The following ITPR1 variants were observed in gnomAD, a reference collection of about 807,000 sequenced individuals.
ITPR1 encodes inositol 1,4,5-trisphosphate receptor type 1.
ITPR1 carries 96 observed loss-of-function variants against 318.4 expected under a neutral mutation model. The ratio of observed to expected loss-of-function variants is 0.30; its 90% CI spans 0.26 to 0.36. The LOEUF is 0.36. Among genes scored for constraint, ITPR1 ranks in the 10% least tolerant of loss-of-function variants. The probability of loss-of-function intolerance (pLI) is 1.00; values close to 1 mark genes in which losing one functional copy is unlikely to be tolerated. For synonymous variants in ITPR1, 1,312 were observed against 1,289.9 expected (o/e 1.02, Z -0.37); for missense variants, 2,440 against 3,460.2 (o/e 0.71, Z 7.40).
chr3:4,629,275 T>C (rs1000994793), intron 5 of ITPR1, among the ~76,000 whole-genome samples: 1 of 152,158 alleles, frequency 6.6e-6, no homozygotes, highest in African/African-American at 2.4e-5. Flanking sequence ...GCACCCTCAG[T>C]TTGTCCTGTT....
intron 33 of ITPR1, among the ~76,000 whole-genome samples, chr3:4,696,726 C>T (rs1348113353): frequency 1.4e-5 from 2 of 145,290 alleles, no homozygotes; most frequent in African/African-American, 2.5e-5. Flanking sequence ...ATATCTGATC[C>T]GGTTTTTTGC....
intron 11 of ITPR1, among the ~76,000 whole-genome samples, chr3:4,652,589 C>G (rs1299120528): frequency 1.3e-5 from 2 of 152,088 alleles, no homozygotes; most frequent in Non-Finnish European, 2.9e-5. Context: ...TATGTGGAAC[C>G]GGAAGCACTA....
intron 4 of ITPR1, among the ~76,000 whole-genome samples, chr3:4,571,743 A>G (rs1016259069): frequency 3.3e-5 from 5 of 152,202 alleles, no homozygotes; most frequent in Non-Finnish European, 7.3e-5. Flanking sequence ...GAAGATTACC[A>G]TAAACAGAAC....
At chr3:4,703,089 A>G (rs978725600) in intron 36 of ITPR1, 139 bp downstream of exon 36, 2 of 931,838 alleles carry the variant, frequency 2.1e-6, no homozygotes, top group East Asian at 5.4e-5. Context: ...CCCGGAACCA[A>G]GGTCTTCTTG....
At chr3:4,587,056 C>G (rs139041090) in intron 4 of ITPR1, among the ~76,000 whole-genome samples, 1 of 152,068 alleles carries the variant, frequency 6.6e-6, no homozygotes, top group Non-Finnish European at 1.5e-5. Flanking sequence ...GTATAAGACT[C>G]GGGAATAAAT....
rs2085849934 is a variant in ITPR1 at position 4,553,917 on chromosome 3, GT to G, written c.163+32825del. 2.0e-5 allele frequency among the ~76,000 whole-genome samples: 3 copies of G among 147,930 alleles called. No homozygotes were observed. In the South Asian group the frequency reaches 6.5e-4, roughly 32 times the overall value. ...CGCCCAGCCTGGCTAACATTTTTTA[GT>G]TGTTTAGAGACAGGATTTTGCCATG... On this transcript the variant is annotated intron_variant, in intron 4 of 61. Transcript: ENST00000649015.
At chr3:4,594,121 A>G (rs2090609297) in intron 4 of ITPR1, among the ~76,000 whole-genome samples, 1 of 152,160 alleles carries the variant, frequency 6.6e-6, no homozygotes, top group African/African-American at 2.4e-5. Context: ...TTGGGGAGAT[A>G]CAAGTGAGAG....
chr3:4,707,855 T>C (rs147022540), intron 37 of ITPR1, among the ~76,000 whole-genome samples: 68 of 152,332 alleles, frequency 4.5e-4, no homozygotes, highest in African/African-American at 1.5e-3. Context: ...TGAAGACAGA[T>C]GAATTCGTTA....
intron 57 of ITPR1, among the ~76,000 whole-genome samples, chr3:4,813,449 G>A (rs1272351128): frequency 1.3e-5 from 2 of 152,200 alleles, no homozygotes; most frequent in South Asian, 2.1e-4. Context: ...CTGAGTGCCC[G>A]CCATTTGCCA....
chr3:4,724,584 G>A (rs1365578165), intron 40 of ITPR1: 2 of 152,226 alleles, frequency 1.3e-5, no homozygotes, highest in Non-Finnish European at 2.9e-5. Context: ...TCACACCGCT[G>A]GTGTGTGACT....
chr3:4,748,324 G>C (rs72999396), intron 44 of ITPR1, among the ~76,000 whole-genome samples: 2 of 152,282 alleles, frequency 1.3e-5, no homozygotes, highest in Non-Finnish European at 2.9e-5. Flanking sequence ...TGTCTATCTT[G>C]TTTTCGTTTG....
chr3:4,598,638 A>G (rs1396558377), intron 4 of ITPR1, among the ~76,000 whole-genome samples: 1 of 152,142 alleles, frequency 6.6e-6, no homozygotes, highest in Non-Finnish European at 1.5e-5. Flanking sequence ...AATGCAGAAA[A>G]GTTTTAGGAA....
chr3:4,784,212 G>T (rs1295078271), intron 51 of ITPR1, among the ~76,000 whole-genome samples: 4 of 152,150 alleles, frequency 2.6e-5, no homozygotes, highest in Non-Finnish European at 5.9e-5. Context: ...TGTAGATCGT[G>T]GTGGTCACAG....
intron 4 of ITPR1, among the ~76,000 whole-genome samples, chr3:4,605,092 C>T (rs2091607391): frequency 6.6e-6 from 1 of 152,034 alleles, no homozygotes; most frequent in Non-Finnish European, 1.5e-5. Context: ...CTGTCTCAGC[C>T]TCCCTGGTAG....
Position 4,662,360 on chromosome 3 carries a change from A to G in ITPR1, c.1412+118A>G, listed in dbSNP as rs116494988. The G allele has an allele frequency of 2.6e-3, 2,123 of 820,504 alleles. 32 individuals carry two copies. The African/African-American group carries it at 0.032, about 13-fold the overall frequency. 50.8% of individuals were successfully genotyped at this position (820,504 alleles called of 1,614,324 possible). A position where few individuals can be genotyped will look rare whatever the true frequency, so the allele number is the denominator to read the frequency against. ...AGCTAAACATGGGGTAGCAGGCCTTAGCATTTATGGGTGGCTTCAATGTGT... is the reference window on the plus strand; with the variant it reads ...AGCTAAACATGGGGTAGCAGGCCTTGGCATTTATGGGTGGCTTCAATGTGT... On this transcript the variant is annotated intron_variant, in intron 15 of 61. Transcript: ENST00000649015.
chr3:4,558,570 C>G (rs564167773), intron 4 of ITPR1, among the ~76,000 whole-genome samples: 1 of 152,118 alleles, frequency 6.6e-6, no homozygotes, highest in South Asian at 2.1e-4. Context: ...GTAGGTGATG[C>G]AACAGGAATT....
At chr3:4,766,950 G>A (rs186718973) in intron 45 of ITPR1, among the ~76,000 whole-genome samples, 1 of 152,206 alleles carries the variant, frequency 6.6e-6, no homozygotes, top group South Asian at 2.1e-4. Context: ...GGGTTTTATT[G>A]GCAAGGGATC....
chr3:4,574,424 G>A (rs1168523941), intron 4 of ITPR1, among the ~76,000 whole-genome samples: 1 of 152,174 alleles, frequency 6.6e-6, no homozygotes, highest in African/African-American at 2.4e-5. Flanking sequence ...AATTCCTCCT[G>A]CAGGGGAGAT....
intron 10 of ITPR1, among the ~76,000 whole-genome samples, chr3:4,651,782 A>G (rs1175670227): frequency 6.6e-6 from 1 of 152,232 alleles, no homozygotes; most frequent in Non-Finnish European, 1.5e-5. Flanking sequence ...TTGCTTTGAC[A>G]GTTCTCCACG....
Sources: gnomAD v4.1 joint callset for allele counts (sites outside exome capture counted in the v4.1 genomes callset) on GRCh38, gnomAD v4.1.1 for gene constraint, MANE v1.5 for transcripts, NCBI Gene and HGNC (gene_info 2026-07-23, HGNC 2026-07-21) for gene names.